The following SPTB variants were observed in gnomAD, a reference collection of about 807,000 sequenced individuals.
SPTB encodes spectrin beta chain, erythrocytic.
A neutral mutation model predicts 256.2 loss-of-function variants in SPTB; 45 were observed. The ratio of observed to expected loss-of-function variants is 0.18; its 90% CI spans 0.14 to 0.23. SPTB has a LOEUF of 0.23. SPTB is among the 10% of genes least tolerant of loss of function. The pLI is 1.00. For missense variants in SPTB, 2,715 were observed against 3,040.4 expected (o/e 0.89, Z 2.52); for synonymous variants, 1,231 against 1,243.1 (o/e 0.99, Z 0.21).
At chr14:64,840,485 A>G (rs1465715935) in intron 1 of SPTB, among the ~76,000 whole-genome samples, 1 of 152,262 alleles carries the variant, frequency 6.6e-6, no homozygotes, top group Non-Finnish European at 1.5e-5. Flanking sequence ...CCGCAAATGC[A>G]TGGTTAAATA....
intron 1 of SPTB, among the ~76,000 whole-genome samples, chr14:64,850,781 T>A (rs2083771547): frequency 6.6e-6 from 1 of 152,238 alleles, no homozygotes; most frequent in Non-Finnish European, 1.5e-5. Context: ...ATTCCACAAT[T>A]CTTCCTCTCT....
chr14:64,751,486 T>C (rs954562806), intron 33 of SPTB, among the ~76,000 whole-genome samples: 3 of 152,198 alleles, frequency 2.0e-5, no homozygotes, highest in Non-Finnish European at 4.4e-5. Context: ...AATCCCTTTA[T>C]TGATGAACCT....
At chr14:64,874,569 C>T (rs893398321) in intron 1 of SPTB, among the ~76,000 whole-genome samples, 4 of 152,166 alleles carry the variant, frequency 2.6e-5, no homozygotes, top group Non-Finnish European at 4.4e-5. Context: ...TGGAAATATA[C>T]TGGAAGATGA....
intron 2 of SPTB, among the ~76,000 whole-genome samples, chr14:64,817,954 G>A (rs1414144026): frequency 6.6e-6 from 1 of 152,226 alleles, no homozygotes; most frequent in Non-Finnish European, 1.5e-5. Context: ...GCTTCAGAGT[G>A]CAGGGACACA....
chr14:64,752,619 TA>T (rs1285441128), intron 33 of SPTB, among the ~76,000 whole-genome samples: 1 of 152,238 alleles, frequency 6.6e-6, no homozygotes, highest in Non-Finnish European at 1.5e-5. Context: ...AGTCCTAATA[TA>T]ATGCCTGGCA....
intron 1 of SPTB, among the ~76,000 whole-genome samples, chr14:64,865,817 T>C (rs528960297): frequency 6.6e-6 from 1 of 152,350 alleles, no homozygotes; most frequent in South Asian, 2.1e-4. Flanking sequence ...GCTGCTTTGA[T>C]TCTACCATCT....
intron 32 of SPTB, among the ~76,000 whole-genome samples, chr14:64,766,006 C>T (rs1404294430): frequency 7.6e-6 from 1 of 132,190 alleles, no homozygotes; most frequent in Non-Finnish European, 1.6e-5. Flanking sequence ...GTGGTGTGTG[C>T]ATATTTGTGT....
chr14:64,752,222 A>T, intron 33 of SPTB: 1 of 1,348,586 alleles, frequency 7.4e-7, no homozygotes, highest in South Asian at 1.2e-5. Flanking sequence ...CGTGGGAAGC[A>T]TGTTGCTGCA....
At chr14:64,871,769 T>C (rs755077001) in intron 1 of SPTB, among the ~76,000 whole-genome samples, 2 of 152,240 alleles carry the variant, frequency 1.3e-5, no homozygotes, top group Non-Finnish European at 2.9e-5. Flanking sequence ...TTACTCTTCA[T>C]TGTATACCCT....
intron 29 of SPTB, chr14:64,768,203 A>T (rs1480145856): frequency 2.6e-6 from 1 of 378,296 alleles, no homozygotes; most frequent in Non-Finnish European, 5.0e-6. Context: ...CACCATGCCC[A>T]GCTAATTTTT....
At chr14:64,801,583 G>A (rs568590436) in intron 6 of SPTB, among the ~76,000 whole-genome samples, 171 bp downstream of exon 6, 11 of 152,234 alleles carry the variant, frequency 7.2e-5, no homozygotes, top group African/African-American at 2.2e-4. Flanking sequence ...GGAAGTGGGC[G>A]GCAGGCATGC....
chr14:64,800,599 C>CCA (rs2082864730), intron 8 of SPTB, among the ~76,000 whole-genome samples, 157 bp downstream of exon 8: 1 of 152,190 alleles, frequency 6.6e-6, no homozygotes. Flanking sequence ...TGGAATTCAG[C>CCA]TCAGGAGCCA....
Position 64,794,536 on chromosome 14 carries a change from C to T in SPTB, c.1726G>A (p.Asp576Asn). The change falls in exon 13 of 36, where the codon GAC (aspartate) becomes AAC (asparagine). Residue 576 changes from aspartate to asparagine, a missense_variant. This residue lies in a region of SPTB where 2,239 missense variants were observed against 2,384.4 expected (regional missense o/e 0.94). Coordinates refer to ENST00000644917, the MANE Select transcript of SPTB (RefSeq NM_001355436.2). ...ACTTTGTCCCCTTGGATGGCGATGT[C>T]AGCTTCCATCAACTTGTGCTTCTGT... ...LLQKHKLMEA[D>N]IAIQGDKVKA... The T allele has an allele frequency of 5.6e-6, 9 of 1,614,200 alleles. No homozygotes were observed. The highest frequency in any genetic ancestry group is 7.6e-6 in the Non-Finnish European group (9 of 1,180,040).
chr14:64,874,167 G>A (rs1882693919), intron 1 of SPTB, among the ~76,000 whole-genome samples: 1 of 152,238 alleles, frequency 6.6e-6, no homozygotes, highest in Admixed American at 6.5e-5. Context: ...ACCTAATCAT[G>A]CTTTATTGTC....
At position 64,779,749 on chromosome 14, in the gene SPTB, G is replaced by A. The variant is rs199822834; in HGVS notation, c.4449C>T (p.Ile1483=). ...CCGTCTCATCCTCTAAGTCCCGGCT[G>A]ATCTGCAGCTTGGCTCTGGATGATT... The part of the protein sequence containing the change: ...QLESSRAKLQ[I]SRDLEDETLW... The change falls in exon 21 of 36, where the codon ATC becomes ATT. Residue 1483 remains isoleucine, a synonymous_variant. Transcript: ENST00000644917. This position sits in a 1 kb window ranked among gnomAD's most constrained non-coding sequence, Gnocchi z 4.2. 1.1e-4 allele frequency: 173 copies of A among 1,614,132 alleles called. 1 individual carries two copies. Among genetic ancestry groups the A allele is most frequent in the Middle Eastern group, 8.3e-4 (5 of 6,060 alleles).
In SPTB at chr14:64,772,702, C is replaced by T; in HGVS notation, c.5431G>A (p.Gly1811Ser). ...TCGCGGTGCTTCTCGTCGATGAGGC[C>T]CAGGATCTCGGCACCCGTGTAGAAG... is the stretch of plus-strand genomic sequence containing the variant. ...RYFYTGAEILGLIDEKHRELP... is the reference protein window; with the variant it reads ...RYFYTGAEILSLIDEKHRELP... Residue 1811 changes from glycine (G) to serine (S), a missense_variant, in exon 26 of 36, where the codon GGC (glycine) becomes AGC (serine). By Grantham distance (56) the Gly-to-Ser change is moderately conservative. Transcript: ENST00000644917. The surrounding 1 kb of genome is among the most constrained non-coding windows in gnomAD (Gnocchi z 5.4). 6.2e-7 allele frequency: 1 copy of T among 1,613,854 alleles called. No individual in the cohort carries two copies. Among genetic ancestry groups the T allele is most frequent in the Non-Finnish European group, 8.5e-7 (1 of 1,179,986 alleles).
rs752342806 is a variant in SPTB, at chr14:64,795,082, C to T, written c.1644+255G>A. 1.3e-5 allele frequency among the ~76,000 whole-genome samples: 2 copies of T among 152,216 alleles called. No individual in the cohort carries two copies. The highest frequency in any genetic ancestry group is 2.4e-5 in the African/African-American group (1 of 41,456). On this transcript the variant is annotated intron_variant, in intron 12 of 35. Transcript: ENST00000644917. The surrounding 1 kb of genome is among the most constrained non-coding windows in gnomAD (Gnocchi z 6.5). ...TCTTCAAGGCCCTGAAGGTTGGCAC[C>T]GGTGCTGCCACAAACCCAAGATTTC...
chr14:64,830,499 C>G (rs1190066892), intron 1 of SPTB, among the ~76,000 whole-genome samples: 2 of 151,998 alleles, frequency 1.3e-5, no homozygotes, highest in Non-Finnish European at 2.9e-5. Context: ...CTCTATCCCA[C>G]CATATTCCCT....
Position 64,786,508 on chromosome 14 carries a change from G to C in SPTB, c.3457C>G (p.Leu1153Val). ...CTGCGGCTCTCCCACATCCTGCCCA[G>C]GGCATTCCAGCCAGTATCCAGGCCC... The part of the protein sequence containing the change: ...LEGLDTGWNA[L>V]GRMWESRSHT... Residue 1153 changes from leucine to valine, a missense_variant, in exon 16 of 36, where the codon CTG becomes GTG. By Grantham distance (32) the Leu-to-Val change is conservative (BLOSUM62 1). Around this residue, in one of 4 missense-constraint regions of SPTB, gnomAD observed 2,239 missense variants for 2,384.4 expected, o/e 0.94. Coordinates refer to ENST00000644917, the MANE Select transcript of SPTB (RefSeq NM_001355436.2). This position sits in a 1 kb window ranked among gnomAD's most constrained non-coding sequence, Gnocchi z 5.6. The C allele has an allele frequency of 6.2e-7, 1 of 1,614,064 alleles. No individual in the cohort carries two copies. The highest frequency in any genetic ancestry group is 1.3e-5 in the African/African-American group (1 of 75,052).
Sources: gnomAD v4.1 joint callset for allele counts (sites outside exome capture counted in the v4.1 genomes callset) on GRCh38, gnomAD v4.1.1 for gene constraint, gnomAD v4.1.1 regional missense constraint, Gnocchi (gnomAD v3.1) non-coding constraint, MANE v1.5 for transcripts, NCBI Gene and HGNC (gene_info 2026-07-23, HGNC 2026-07-21) for gene names.